Variants in BBS9 observed in about 807,000 individuals in gnomAD.
The protein encoded by BBS9 is protein PTHB1.
Under a neutral mutation model 117.7 loss-of-function variants are expected in BBS9, and 89 were observed. The ratio of observed to expected loss-of-function variants is 0.76; its 90% CI spans 0.64 to 0.90. The LOEUF (loss-of-function observed/expected upper bound fraction) is 0.90, where lower values mean the gene tolerates loss of function less well. Among genes scored for constraint, BBS9 ranks in the 40% least tolerant of loss-of-function variants. The pLI, the probability that BBS9 is intolerant of heterozygous loss-of-function variation, is 0.00. For missense variants in BBS9, 982 were observed against 1,042.2 expected, an observed-to-expected ratio of 0.94 and a Z score of 0.80; for synonymous variants, 379 against 370.9, an observed-to-expected ratio of 1.02 and a Z score of -0.25.
chr7:33,348,077 G>A (rs1817933940), intron 12 of BBS9, among the ~76,000 whole-genome samples: 1 of 151,966 alleles, frequency 6.6e-6, no homozygotes, highest in African/African-American at 2.4e-5. Context: ...ACAGAATTTT[G>A]CAACTATCAC....
intron 5 of BBS9, among the ~76,000 whole-genome samples, chr7:33,179,560 A>C (rs1797806322): frequency 6.6e-6 from 1 of 151,958 alleles, no homozygotes; most frequent in South Asian, 2.1e-4. Flanking sequence ...ATCATCTGTC[A>C]TTGCCTCCCA....
At chr7:33,314,899 CT>C (rs1810146190) in intron 9 of BBS9, among the ~76,000 whole-genome samples, 1 of 152,106 alleles carries the variant, frequency 6.6e-6, no homozygotes, top group Non-Finnish European at 1.5e-5. Context: ...GTAAGACTGG[CT>C]TTGGGAGAGA....
chr7:33,341,180 A>G (rs1816465705), intron 11 of BBS9, among the ~76,000 whole-genome samples: 1 of 152,196 alleles, frequency 6.6e-6, no homozygotes, highest in Non-Finnish European at 1.5e-5. Context: ...TTCTGTTTTA[A>G]AAAGAAGTGG....
At chr7:33,597,744 G>C (rs976745781) in intron 21 of BBS9, among the ~76,000 whole-genome samples, 1 of 151,954 alleles carries the variant, frequency 6.6e-6, no homozygotes, top group Non-Finnish European at 1.5e-5. Context: ...CACTAGCTCT[G>C]GGACATTTGT....
intron 17 of BBS9, among the ~76,000 whole-genome samples, chr7:33,368,504 A>G (rs1822217059): frequency 6.6e-6 from 1 of 152,072 alleles, no homozygotes; most frequent in South Asian, 2.1e-4. Flanking sequence ...ACTGAGTTAT[A>G]CACACCTTCA....
chr7:33,499,121 C>T (rs896306570), intron 19 of BBS9, among the ~76,000 whole-genome samples: 2 of 152,128 alleles, frequency 1.3e-5, no homozygotes, highest in Admixed American at 1.3e-4. Flanking sequence ...GATAAAACCC[C>T]CATGTCAACA....
chr7:33,616,390 G>A (rs1301256815), intron 21 of BBS9, among the ~76,000 whole-genome samples: 1 of 150,108 alleles, frequency 6.7e-6, no homozygotes, highest in Non-Finnish European at 1.5e-5. Flanking sequence ...ATTTGAAAGT[G>A]GACTTGGATT....
intron 19 of BBS9, among the ~76,000 whole-genome samples, chr7:33,470,303 G>A (rs1445162371): frequency 1.3e-5 from 2 of 149,104 alleles, no homozygotes; most frequent in African/African-American, 5.0e-5. Context: ...TTTTTTCTCA[G>A]ATAAAATGAT....
chr7:33,336,219 C>CT (rs1193351068), intron 9 of BBS9, among the ~76,000 whole-genome samples: 4 of 152,282 alleles, frequency 2.6e-5, no homozygotes, highest in East Asian at 1.9e-4. Context: ...AATAATTAAG[C>CT]TTTTTTCCCG....
intron 19 of BBS9, among the ~76,000 whole-genome samples, chr7:33,439,949 C>T (rs1053140680): frequency 5.9e-5 from 9 of 152,168 alleles, no homozygotes; most frequent in African/African-American, 1.9e-4. Flanking sequence ...AGTGAGTCAA[C>T]CTTAGTGTTT....
downstream of BBS9, among the ~76,000 whole-genome samples, chr7:33,610,186 T>C (rs1041625449): frequency 6.6e-6 from 1 of 152,112 alleles, no homozygotes; most frequent in Admixed American, 6.6e-5. Flanking sequence ...AACTACACTT[T>C]AAATTATTGG....
intron 9 of BBS9, among the ~76,000 whole-genome samples, chr7:33,324,086 C>T (rs974399409): frequency 4.6e-5 from 7 of 152,012 alleles, no homozygotes; most frequent in Admixed American, 2.6e-4. Flanking sequence ...AATCCACCTG[C>T]CTTGGGATCC....
At chr7:33,407,129 A>G (rs1385230704) in intron 19 of BBS9, among the ~76,000 whole-genome samples, 1 of 152,040 alleles carries the variant, frequency 6.6e-6, no homozygotes, top group Non-Finnish European at 1.5e-5. Context: ...GGCTTTGCTC[A>G]TTTCTTTTTA....
rs550103029 is a variant in BBS9, at chr7:33,402,771, G to A, written c.2115+14627G>A. ...GGTATATTGCATGATGCTGAGGTTT[G>A]GAGTATGAATGAACCTGTCACCCAG... is the stretch of plus-strand genomic sequence containing the variant. On this transcript the variant is annotated intron_variant, in intron 19 of 22. Transcript: ENST00000242067. Among the ~76,000 whole-genome samples, 12 of 152,232 alleles carry A rather than the reference G, an allele frequency of 7.9e-5. No homozygotes were observed. In the East Asian group the frequency reaches 2.3e-3, roughly 29 times the overall value.
chr7:33,634,737 A>G (rs1022360955), intron 21 of BBS9, among the ~76,000 whole-genome samples: 3 of 152,222 alleles, frequency 2.0e-5, no homozygotes, highest in Non-Finnish European at 2.9e-5. Flanking sequence ...GTAAGCATGC[A>G]GTGTGTATGT....
chr7:33,518,318 C>A (rs1284837484), intron 20 of BBS9, among the ~76,000 whole-genome samples: 2 of 148,858 alleles, frequency 1.3e-5, no homozygotes, highest in Non-Finnish European at 3.0e-5. Flanking sequence ...TGGCACAATC[C>A]CGGCTCACTG....
At chr7:33,141,985 G>T (rs1269943269) in intron 1 of BBS9, among the ~76,000 whole-genome samples, 1 of 151,646 alleles carries the variant, frequency 6.6e-6, no homozygotes, top group Non-Finnish European at 1.5e-5. Context: ...GCCCAGGCCG[G>T]ACTGCAGTGG....
At chr7:33,319,199 T>C (rs535199321) in intron 9 of BBS9, among the ~76,000 whole-genome samples, 2 of 152,044 alleles carry the variant, frequency 1.3e-5, no homozygotes, top group East Asian at 1.9e-4. Flanking sequence ...TCTAGTTCCA[T>C]CCAGGTTGCT....
chr7:33,266,912 T>G (rs1050522373), intron 7 of BBS9, among the ~76,000 whole-genome samples: 1 of 152,090 alleles, frequency 6.6e-6, no homozygotes, highest in South Asian at 2.1e-4. Flanking sequence ...CCAGCTAATT[T>G]TTTTGTATTT....
Sources: gnomAD v4.1 joint callset for allele counts (sites outside exome capture counted in the v4.1 genomes callset) on GRCh38, gnomAD v4.1.1 for gene constraint, MANE v1.5 for transcripts, NCBI Gene and HGNC (gene_info 2026-07-23, HGNC 2026-07-21) for gene names.